The following KANSL1 variants were observed in gnomAD, a reference collection of about 807,000 sequenced individuals.
The protein encoded by KANSL1 is MLL1/MLL complex subunit KANSL1.
Under a neutral mutation model 103.6 loss-of-function variants are expected in KANSL1, and 22 were observed. The observed-to-expected ratio is 0.21, with a 90% CI of 0.15 to 0.30. The LOEUF (loss-of-function observed/expected upper bound fraction) is 0.30. Ranked by LOEUF, KANSL1 falls within the 10% of genes least tolerant of loss-of-function variation. KANSL1 has a pLI of 1.00. For missense variants in KANSL1, 1,337 were observed against 1,399.8 expected, an observed-to-expected ratio of 0.96 and a Z score of 0.72; for synonymous variants, 600 against 527.6, an observed-to-expected ratio of 1.14 and a Z score of -1.88.
intron 1 of KANSL1, among the ~76,000 whole-genome samples, chr17:46,219,870 G>T (rs112000727): frequency 0.068 from 10,255 of 150,906 alleles, no homozygotes; most frequent in Middle Eastern, 0.12. Context: ...TTGGGAGGCC[G>T]AGTTGGGCGG....
chr17:46,038,992 A>G (rs1192196902), intron 9 of KANSL1, 35 bp downstream of exon 9: 1 of 1,592,124 alleles, frequency 6.3e-7, no homozygotes, highest in Non-Finnish European at 8.5e-7. Context: ...GAGCAGGTGC[A>G]GTTGCAGGTA....
At chr17:46,179,884 G>A (rs1404997462) in intron 1 of KANSL1, among the ~76,000 whole-genome samples, 2 of 151,892 alleles carry the variant, frequency 1.3e-5, no homozygotes, top group Non-Finnish European at 2.9e-5. Context: ...CCAACATGGC[G>A]AAACCCCATC....
chr17:46,048,503 G>A (rs1041006726), intron 7 of KANSL1, among the ~76,000 whole-genome samples: 1 of 152,084 alleles, frequency 6.6e-6, no homozygotes, highest in Non-Finnish European at 1.5e-5. Context: ...GGAGGTGGGG[G>A]CTGCAGTGAG....
At chr17:46,155,565 A>AGG (rs1410787203) in intron 2 of KANSL1, among the ~76,000 whole-genome samples, 2 of 152,220 alleles carry the variant, frequency 1.3e-5, no homozygotes, top group African/African-American at 4.8e-5. Context: ...ACTGGCATTT[A>AGG]GGGGGTAGAG....
At chr17:46,137,488 T>C (rs1182492359) in intron 2 of KANSL1, among the ~76,000 whole-genome samples, 2 of 152,222 alleles carry the variant, frequency 1.3e-5, no homozygotes, top group Admixed American at 1.3e-4. Flanking sequence ...CCAATCAATA[T>C]CTATTGAAAA....
At chr17:46,157,602 T>C (rs1431120603) in intron 2 of KANSL1, among the ~76,000 whole-genome samples, 1 of 152,260 alleles carries the variant, frequency 6.6e-6, no homozygotes, top group East Asian at 1.9e-4. Flanking sequence ...CAAGTTATCA[T>C]TGAGAACAAA....
chr17:46,160,648 AT>A (rs2045685496), intron 2 of KANSL1, among the ~76,000 whole-genome samples: 2 of 152,164 alleles, frequency 1.3e-5, no homozygotes. Context: ...TTTTACTCAT[AT>A]TGTAGGCTTA....
intron 10 of KANSL1, among the ~76,000 whole-genome samples, chr17:46,036,197 C>T (rs948525329): frequency 1.3e-5 from 2 of 152,172 alleles, no homozygotes; most frequent in East Asian, 1.9e-4. Flanking sequence ...TGCAATATCA[C>T]AGCCAGCAAC....
At chr17:46,213,281 T>C (rs1328566178) in intron 1 of KANSL1, among the ~76,000 whole-genome samples, 1 of 151,522 alleles carries the variant, frequency 6.6e-6, no homozygotes, top group African/African-American at 2.4e-5. Flanking sequence ...AAGCGTTTTA[T>C]TTGTTTTTTG....
At chr17:46,170,528 CTA>C in intron 2 of KANSL1, 2 of 363,884 alleles carry the variant, frequency 5.5e-6, no homozygotes, top group African/African-American at 2.1e-5. Context: ...TTATCATGTC[CTA>C]TATATAGTTT....
At chr17:46,031,915 A>C in intron 14 of KANSL1, 132 bp downstream of exon 14, 1 of 1,301,102 alleles carries the variant, frequency 7.7e-7, no homozygotes, top group Admixed American at 2.0e-5. Context: ...CGTTGAGGAG[A>C]TCAATTTAAG....
At chr17:46,117,769 A>G (rs1158352711) in intron 2 of KANSL1, among the ~76,000 whole-genome samples, 1 of 152,258 alleles carries the variant, frequency 6.6e-6, no homozygotes, top group Admixed American at 6.5e-5. Context: ...TTGCATTTTA[A>G]TTATGCTTTT....
At chr17:46,200,048 C>CACACACACACAT (rs72324148) in intron 1 of KANSL1, among the ~76,000 whole-genome samples, 1 of 151,922 alleles carries the variant, frequency 6.6e-6, no homozygotes, top group Non-Finnish European at 1.5e-5. Context: ...TACACACACA[C>CACACACACACAT]ACACACACAC....
intron 1 of KANSL1, among the ~76,000 whole-genome samples, chr17:46,174,105 A>G (rs2046408658): frequency 6.6e-6 from 1 of 152,256 alleles, no homozygotes; most frequent in South Asian, 2.1e-4. Context: ...TGAATTTTTT[A>G]GGCAAAGATT....
At chr17:46,053,867 C>T (rs1033776314) in intron 6 of KANSL1, among the ~76,000 whole-genome samples, 2 of 152,172 alleles carry the variant, frequency 1.3e-5, no homozygotes, top group African/African-American at 2.4e-5. Flanking sequence ...CACACGCACA[C>T]GCTCTTCCAC....
chr17:46,057,641 C>G (rs1323860730), intron 6 of KANSL1, among the ~76,000 whole-genome samples: 1 of 152,048 alleles, frequency 6.6e-6, no homozygotes, highest in African/African-American at 2.4e-5. Context: ...GACTTATTCA[C>G]GTTTCTACTA....
intron 4 of KANSL1, among the ~76,000 whole-genome samples, chr17:46,075,160 TTAA>T (rs1259674722): frequency 1.3e-5 from 2 of 152,178 alleles, no homozygotes; most frequent in Admixed American, 1.3e-4. Flanking sequence ...AGAAAGGACA[TTAA>T]TAAGAAAACT....
At chr17:46,096,866 C>T (rs1229509489) in intron 2 of KANSL1, among the ~76,000 whole-genome samples, 1 of 152,144 alleles carries the variant, frequency 6.6e-6, no homozygotes, top group Non-Finnish European at 1.5e-5. Context: ...ATCCACCCAC[C>T]TCAGCCTCCC....
At chr17:46,084,480 G>A (rs1034646861) in intron 3 of KANSL1, among the ~76,000 whole-genome samples, 3 of 151,484 alleles carry the variant, frequency 2.0e-5, no homozygotes, top group Admixed American at 6.6e-5. Flanking sequence ...TTAGGAGTGC[G>A]AGACCAGCCT....
Sources: gnomAD v4.1 joint callset for allele counts (sites outside exome capture counted in the v4.1 genomes callset) on GRCh38, gnomAD v4.1.1 for gene constraint, MANE v1.5 for transcripts, NCBI Gene and HGNC (gene_info 2026-07-23, HGNC 2026-07-21) for gene names.